Variants in PTPRG observed in about 807,000 individuals in gnomAD.
PTPRG encodes the protein receptor-type tyrosine-protein phosphatase gamma.
Under a neutral mutation model 165.3 loss-of-function variants are expected in PTPRG, and 102 were observed. That is an observed-to-expected ratio of 0.62 (90% CI 0.53 to 0.73). The LOEUF (loss-of-function observed/expected upper bound fraction) is 0.73, where lower values mean the gene tolerates loss of function less well. Ranked by LOEUF, PTPRG falls within the 30% of genes least tolerant of loss-of-function variation. The pLI, the probability that PTPRG is intolerant of heterozygous loss-of-function variation, is 0.00. For synonymous variants in PTPRG, 675 were observed against 669.5 expected (o/e 1.01, Z -0.13); for missense variants, 1,866 against 1,861.4 (o/e 1.00, Z -0.05).
At chr3:61,897,716 T>C (rs1194175798) in intron 2 of PTPRG, among the ~76,000 whole-genome samples, 1 of 152,220 alleles carries the variant, frequency 6.6e-6, no homozygotes, top group Admixed American at 6.5e-5. Context: ...ACACTGTATC[T>C]CTCCATTTAT....
intron 6 of PTPRG, among the ~76,000 whole-genome samples, chr3:62,152,657 G>A (rs376528375): frequency 1.3e-5 from 2 of 152,058 alleles, no homozygotes; most frequent in East Asian, 1.9e-4. Context: ...ACTGCTCTTC[G>A]ACTTGAACTG....
intron 2 of PTPRG, among the ~76,000 whole-genome samples, chr3:61,818,811 T>C (rs2035867737): frequency 6.6e-6 from 1 of 151,026 alleles, no homozygotes; most frequent in Non-Finnish European, 1.5e-5. Context: ...GTCATTGAAA[T>C]AGGGGCCCTT....
intron 1 of PTPRG, among the ~76,000 whole-genome samples, chr3:61,654,214 T>G (rs1702446394): frequency 1.3e-5 from 2 of 152,258 alleles, no homozygotes; most frequent in South Asian, 4.1e-4. Flanking sequence ...CTCTTGTGCT[T>G]TAACCAACAC....
Position 62,233,993 on chromosome 3 carries a change from C to A in PTPRG, c.2375+2682C>A, listed in dbSNP as rs1700965981. 6.6e-6 allele frequency among the ~76,000 whole-genome samples: 1 copy of A among 152,174 alleles called. No homozygotes were observed. The highest frequency in any genetic ancestry group is 1.5e-5 in the Non-Finnish European group (1 of 68,038). On this transcript the variant is annotated intron_variant, in intron 14 of 29. Transcript: ENST00000474889. The surrounding 1 kb of genome is among the most constrained non-coding windows in gnomAD (Gnocchi z 4.7). ...TCCCTACCTCCTCACAAATAGGTAG[C>A]CCCTATTGCTAGTTTGTTGTCTATT...
At chr3:61,865,645 C>G (rs1194678144) in intron 2 of PTPRG, among the ~76,000 whole-genome samples, 1 of 152,212 alleles carries the variant, frequency 6.6e-6, no homozygotes, top group East Asian at 1.9e-4. Context: ...GCCGACAGGG[C>G]AGGTGGCAGC....
At chr3:62,052,477 G>A (rs1202847423) in intron 4 of PTPRG, among the ~76,000 whole-genome samples, 1 of 152,188 alleles carries the variant, frequency 6.6e-6, no homozygotes, top group African/African-American at 2.4e-5. Flanking sequence ...GGAGGATCAG[G>A]AGGCCAGGAA....
chr3:61,933,316 G>T (rs556152796), intron 2 of PTPRG, among the ~76,000 whole-genome samples: 34 of 152,272 alleles, frequency 2.2e-4, no homozygotes, highest in Admixed American at 1.0e-3. Context: ...TGATGGCAGA[G>T]ATCTTTTTTA....
intron 1 of PTPRG, among the ~76,000 whole-genome samples, chr3:61,737,918 T>TTG (rs1186221253): frequency 2.0e-5 from 3 of 150,638 alleles, no homozygotes; most frequent in East Asian, 2.0e-4. Flanking sequence ...TTTTTTGTTT[T>TTG]TTTTTTTTAA....
At chr3:62,091,878 C>T (rs1255844465) in intron 5 of PTPRG, among the ~76,000 whole-genome samples, 7 of 151,898 alleles carry the variant, frequency 4.6e-5, no homozygotes, top group South Asian at 2.1e-4. Flanking sequence ...TCTAAAGGGA[C>T]GAGATACCCC....
rs368294117 is a variant in PTPRG at position 62,168,962 on chromosome 3, G to A, written c.1033+799G>A. 2.0e-3 allele frequency among the ~76,000 whole-genome samples: 301 copies of A among 152,156 alleles called. 13 individuals carry two copies. In the South Asian group the frequency reaches 0.059, roughly 30 times the overall value. ...ATCAAGTGAGAAGATGATGGAGTTC[G>A]GCCATTCGGTGGGCAGTCTCCTCTC... is the stretch of plus-strand genomic sequence containing the variant. On this transcript the variant is annotated intron_variant, in intron 8 of 29. Coordinates refer to ENST00000474889, the MANE Select transcript of PTPRG (RefSeq NM_002841.4).
intron 2 of PTPRG, among the ~76,000 whole-genome samples, chr3:61,850,026 C>T (rs1247414993): frequency 1.3e-5 from 2 of 152,104 alleles, no homozygotes; most frequent in African/African-American, 4.8e-5. Context: ...TGTTTCCTAA[C>T]CCCAGACCCT....
intron 5 of PTPRG, among the ~76,000 whole-genome samples, chr3:62,110,216 C>G (rs1258545978): frequency 6.7e-6 from 1 of 148,456 alleles, no homozygotes; most frequent in Non-Finnish European, 1.5e-5. Context: ...TTTCCCTGCT[C>G]AAATTACTGA....
At chr3:62,223,823 C>A (rs894400116) in intron 13 of PTPRG, among the ~76,000 whole-genome samples, 6 of 152,014 alleles carry the variant, frequency 3.9e-5, no homozygotes, top group African/African-American at 7.2e-5. Context: ...TGAATTTTGT[C>A]CTTTAAATGT....
chr3:61,884,921 G>T (rs768285383), intron 2 of PTPRG, among the ~76,000 whole-genome samples: 9 of 152,148 alleles, frequency 5.9e-5, no homozygotes, highest in African/African-American at 2.2e-4. Context: ...GGAAAAACAT[G>T]GTTAAAGCTA....
intron 5 of PTPRG, among the ~76,000 whole-genome samples, chr3:62,129,508 A>C (rs1265617110): frequency 6.6e-6 from 1 of 152,052 alleles, no homozygotes; most frequent in Non-Finnish European, 1.5e-5. Context: ...TTCTTGCTGC[A>C]TTGTAACCAT....
chr3:61,621,051 A>ATATATATGTGTGTGTG, intron 1 of PTPRG, among the ~76,000 whole-genome samples: 3 of 117,946 alleles, frequency 2.5e-5, no homozygotes, highest in South Asian at 5.9e-4. Flanking sequence ...ATATATATAT[A>ATATATATGTGTGTGTG]TGTGTGTGTG....
intron 2 of PTPRG, among the ~76,000 whole-genome samples, chr3:61,931,052 C>T (rs1053699983): frequency 2.0e-5 from 3 of 152,156 alleles, no homozygotes; most frequent in South Asian, 4.1e-4. Context: ...CAGAGTGCAG[C>T]GCCTAATTCA....
At chr3:62,101,237 T>G (rs578071336) in intron 5 of PTPRG, among the ~76,000 whole-genome samples, 1 of 152,288 alleles carries the variant, frequency 6.6e-6, no homozygotes, top group Non-Finnish European at 1.5e-5. Flanking sequence ...GCCACTTAAC[T>G]AGTATCTCAG....
intron 9 of PTPRG, 116 bp from the exon 10 acceptor site, chr3:62,194,946 G>T: frequency 4.3e-6 from 4 of 935,080 alleles, no homozygotes; most frequent in South Asian, 3.0e-5. Context: ...CCTTTGGTCA[G>T]CAGGGAAGCA....
Sources: allele counts gnomAD v4.1 joint callset (sites outside exome capture counted in the v4.1 genomes callset), GRCh38; gene constraint gnomAD v4.1.1; non-coding constraint Gnocchi (gnomAD v3.1); transcripts MANE v1.5; gene names NCBI Gene and HGNC (gene_info 2026-07-23, HGNC 2026-07-21).